The following TRIO variants were observed in gnomAD, a reference collection of about 807,000 sequenced individuals.
TRIO encodes the protein triple functional domain protein.
Under a neutral mutation model 351.9 loss-of-function variants are expected in TRIO, and 58 were observed. That is an observed-to-expected ratio of 0.16 (90% CI 0.13 to 0.21). The LOEUF (loss-of-function observed/expected upper bound fraction) is 0.21, where lower values mean the gene tolerates loss of function less well. Ranked by LOEUF, TRIO falls within the 10% of genes least tolerant of loss-of-function variation. The pLI is 1.00. For synonymous variants in TRIO, 1,758 were observed against 1,595.7 expected (o/e 1.10, Z -2.42); for missense variants, 3,201 against 4,027.8 (o/e 0.79, Z 5.56).
rs750704071 is a variant in TRIO, at chr5:14,363,852, A to G, written c.2512A>G (p.Met838Val). The stretch of plus-strand genomic sequence containing the variant: ...GCACCATGCAGACAAAGCCTTGACC[A>G]TGAACAACTTGACTTTTGACGTCAT... ...LQHHADKALT[M>V]NNLTFDVIHQ... The change falls in exon 14 of 57, where the codon ATG (methionine) becomes GTG (valine). Residue 838 changes from methionine to valine, a missense_variant. Met to Val is a conservative substitution (Grantham distance 21, BLOSUM62 1). This residue lies in a region of TRIO where 363 missense variants were observed against 553.5 expected (regional missense o/e 0.66). Transcript: ENST00000344204. 1.2e-5 allele frequency: 20 copies of G among 1,614,230 alleles called. No individual in the cohort carries two copies. The highest frequency in any genetic ancestry group is 1.5e-5 in the Non-Finnish European group (18 of 1,180,036).
intron 19 of TRIO, among the ~76,000 whole-genome samples, chr5:14,376,900 T>C (rs1386416780): frequency 1.3e-5 from 2 of 152,228 alleles, no homozygotes; most frequent in East Asian, 3.9e-4. Context: ...ATCTTACCCG[T>C]CTAGCAGGAA....
chr5:14,358,460 A>C, intron 12 of TRIO, 113 bp downstream of exon 12: 1 of 1,252,758 alleles, frequency 8.0e-7, no homozygotes, highest in African/African-American at 1.5e-5. Context: ...AGCTGAGTGC[A>C]GAGCTAGTAG....
At chr5:14,183,456 T>TAA (rs943861448) in intron 1 of TRIO, among the ~76,000 whole-genome samples, 2 of 152,176 alleles carry the variant, frequency 1.3e-5, no homozygotes, top group Non-Finnish European at 2.9e-5. Flanking sequence ...ATCAGTTTGT[T>TAA]AAAGTACTCT....
intron 34 of TRIO, among the ~76,000 whole-genome samples, chr5:14,429,607 C>T (rs956770794): frequency 1.3e-5 from 2 of 152,190 alleles, no homozygotes; most frequent in African/African-American, 4.8e-5. Flanking sequence ...CACGTTCACA[C>T]ACCCCACCCA....
intron 1 of TRIO, among the ~76,000 whole-genome samples, chr5:14,239,303 T>C (rs1339152700): frequency 2.6e-5 from 4 of 152,148 alleles, no homozygotes; most frequent in African/African-American, 9.7e-5. Flanking sequence ...ATGTAAGCGT[T>C]CTTGAAAATG....
chr5:14,198,395 G>T (rs942049054), intron 1 of TRIO, among the ~76,000 whole-genome samples: 2 of 152,138 alleles, frequency 1.3e-5, no homozygotes, highest in Non-Finnish European at 2.9e-5. Flanking sequence ...ATTGTACTAA[G>T]TATACAATCA....
At chr5:14,191,425 C>T (rs1352366632) in intron 1 of TRIO, among the ~76,000 whole-genome samples, 1 of 151,312 alleles carries the variant, frequency 6.6e-6, no homozygotes, top group Non-Finnish European at 1.5e-5. Context: ...GACTCTATCG[C>T]TACAAAAAAA....
rs541606335 is a variant in TRIO, at chr5:14,208,515, A to T, written c.158-62310A>T. Among the ~76,000 whole-genome samples the T allele has an allele frequency of 1.1e-4, 16 of 152,358 alleles. No homozygotes were observed. The South Asian group carries it at 3.3e-3, about 32-fold the overall frequency. Reference sequence around the variant, plus strand: ...CCTTGGGGTATGGGCCGGTGAGAGGATTGACTGCAAAGAGTCACAAGGAAA... The same window carrying T: ...CCTTGGGGTATGGGCCGGTGAGAGGTTTGACTGCAAAGAGTCACAAGGAAA... On this transcript the variant is annotated intron_variant, in intron 1 of 56. Transcript: ENST00000344204.
intron 7 of TRIO, 98 bp downstream of exon 7, chr5:14,297,361 CTGTGAGCTCCGCA>C (rs1478740999): frequency 1.9e-5 from 26 of 1,364,668 alleles, no homozygotes; most frequent in African/African-American, 5.8e-5. Flanking sequence ...GTAGCACATA[CTGTGAGCTCCGCA>C]TGTGAGCTCT....
intron 46 of TRIO, 58 bp from the exon 47 acceptor site, chr5:14,485,011 A>G: frequency 6.8e-7 from 1 of 1,465,680 alleles, no homozygotes; most frequent in African/African-American, 1.4e-5. Context: ...CAGTGGACAC[A>G]TGGTTTGCTT....
intron 34 of TRIO, 117 bp downstream of exon 34, chr5:14,420,138 C>T (rs1749994566): frequency 2.1e-6 from 3 of 1,457,906 alleles, no homozygotes; most frequent in Non-Finnish European, 2.8e-6. Flanking sequence ...GCTGTGCCTT[C>T]AGCACATGGT....
chr5:14,496,766 C>T, intron 49 of TRIO, 113 bp from the exon 50 acceptor site: 1 of 1,378,970 alleles, frequency 7.3e-7, no homozygotes, highest in Non-Finnish European at 9.7e-7. Flanking sequence ...AGAGGATTTC[C>T]CATCCCCCTG....
intron 1 of TRIO, among the ~76,000 whole-genome samples, chr5:14,181,075 G>A (rs1789735399): frequency 1.6e-5 from 2 of 123,918 alleles, no homozygotes; most frequent in East Asian, 5.1e-4. Flanking sequence ...AATAACAATG[G>A]AATACTACAA....
intron 33 of TRIO, among the ~76,000 whole-genome samples, chr5:14,417,780 G>C (rs1003603426): frequency 2.0e-5 from 3 of 152,220 alleles, no homozygotes; most frequent in Non-Finnish European, 4.4e-5. Flanking sequence ...GCTTCGTTTT[G>C]GGTTTTCAAA....
intron 1 of TRIO, among the ~76,000 whole-genome samples, chr5:14,257,541 C>T (rs1053223254): frequency 1.3e-5 from 2 of 152,068 alleles, no homozygotes; most frequent in East Asian, 3.9e-4. Context: ...TGAGCAGGAC[C>T]CTGAGAGTGC....
chr5:14,462,163 G>GT (rs559556835), intron 35 of TRIO, among the ~76,000 whole-genome samples: 18 of 152,244 alleles, frequency 1.2e-4, no homozygotes, highest in African/African-American at 4.1e-4. Context: ...GTTTTCTGCT[G>GT]TTTTTTTCCT....
chr5:14,501,835 A>G (rs925591460), intron 53 of TRIO, among the ~76,000 whole-genome samples: 6 of 152,164 alleles, frequency 3.9e-5, no homozygotes, highest in Admixed American at 2.6e-4. Context: ...CGGGAGGGCC[A>G]GGCTCCCGTG....
chr5:14,294,783 A>G (rs1030328716), intron 6 of TRIO, among the ~76,000 whole-genome samples: 1 of 152,178 alleles, frequency 6.6e-6, no homozygotes, highest in Non-Finnish European at 1.5e-5. Flanking sequence ...TATTACATGT[A>G]TATGTAAAAT....
At chr5:14,151,875 G>C (rs1273812121) in intron 1 of TRIO, among the ~76,000 whole-genome samples, 1 of 152,098 alleles carries the variant, frequency 6.6e-6, no homozygotes, top group Non-Finnish European at 1.5e-5. Context: ...GTTCATCCTT[G>C]TTCTGCATGA....
Sources: gnomAD v4.1 joint callset for allele counts (sites outside exome capture counted in the v4.1 genomes callset) on GRCh38, gnomAD v4.1.1 for gene constraint, gnomAD v4.1.1 regional missense constraint, MANE v1.5 for transcripts, NCBI Gene and HGNC (gene_info 2026-07-23, HGNC 2026-07-21) for gene names.